Variants in SULT1A2 observed in about 807,000 individuals in gnomAD.
SULT1A2 encodes sulfotransferase family 1A member 2, also known as sulfotransferase 1A2.
In SULT1A2, 33 loss-of-function variants were observed where a neutral mutation model predicts 36.0. The observed-to-expected ratio is 0.92, with a 90% confidence interval of 0.69 to 1.22. The LOEUF (loss-of-function observed/expected upper bound fraction) is 1.22. Ranked by LOEUF, SULT1A2 falls within the 50% of genes most tolerant of loss-of-function variation. The probability of loss-of-function intolerance (pLI) is 0.00; values close to 1 mark genes in which losing one functional copy is unlikely to be tolerated. For missense variants in SULT1A2, 367 were observed against 383.2 expected, an observed-to-expected ratio of 0.96 and a Z score of 0.35; for synonymous variants, 138 against 144.5, an observed-to-expected ratio of 0.96 and a Z score of 0.32.
chr16:28,592,570 C>G, intron 6 of SULT1A2, 127 bp from the exon 7 acceptor site: 1 of 1,540,002 alleles, frequency 6.5e-7, no homozygotes, highest in Non-Finnish European at 8.8e-7. Context: ...GCCAGCTCCT[C>G]GACCCCTGGG....
In SULT1A2 at chr16:28,595,802, G is replaced by A. The variant is rs369821109; in HGVS notation, c.129C>T (p.Ile43=). 1.9e-6 allele frequency: 3 copies of A among 1,612,588 alleles called. No individual in the cohort carries two copies. Among genetic ancestry groups the A allele is most frequent in the African/African-American group, 2.7e-5 (2 of 74,884 alleles). Residue 43 remains isoleucine (I), a synonymous_variant, in exon 2 of 8, where the codon ATC becomes ATT. Transcript: ENST00000335715. ...SFQARPDDLL[I]STYPKSGTTW... Reference sequence around the variant, plus strand: ...ACCTACCGGACTTGGGGTAGGTGCTGATGAGCAGGTCATCAGGCCGGGCCT... The same window carrying A: ...ACCTACCGGACTTGGGGTAGGTGCTAATGAGCAGGTCATCAGGCCGGGCCT...
rs1321472148 is a variant in SULT1A2 at position 28,593,441 on chromosome 16, C to T, written c.499+1G>A. 1.2e-6 allele frequency: 2 copies of T among 1,614,174 alleles called. No homozygotes were observed. On this transcript the variant is annotated splice_donor_variant, in intron 5 of 7. Transcript: ENST00000335715. LOFTEE classifies it high-confidence loss of function. ...ACCTTCCTTCCTCCCATCAAGCCCA[C>T]CTTCTCCAGCCATGAACTTCTCCAG...
At chr16:28,594,320 T>G (rs2047033947) in intron 4 of SULT1A2, among the ~76,000 whole-genome samples, 1 of 152,058 alleles carries the variant, frequency 6.6e-6, no homozygotes, top group African/African-American at 2.4e-5. Context: ...ATTTGCATCT[T>G]TTATAGAGAT....
chr16:28,592,560 GC>G, intron 6 of SULT1A2, 117 bp from the exon 7 acceptor site: 2 of 1,560,474 alleles, frequency 1.3e-6, no homozygotes, highest in Non-Finnish European at 8.7e-7. Flanking sequence ...AACCCATAGA[GC>G]CAGCTCCTCG....
At chr16:28,596,683 T>G (rs2151668714) in intron 1 of SULT1A2, 1 of 207,266 alleles carries the variant, frequency 4.8e-6, no homozygotes, top group African/African-American at 2.4e-5. Flanking sequence ...TTTAAAAATA[T>G]TTTTTAAAAC....
Position 28,595,548 on chromosome 16 carries a change from A to G in SULT1A2, c.274+2T>C. On this transcript the variant is annotated splice_donor_variant, in intron 3 of 7. Transcript: ENST00000335715. LOFTEE classifies it high-confidence loss of function. ...CTCCCCTTGCACCCAGGACACACACACCTGAGGGAATCCCTGGGACTTTGA... is the reference window on the plus strand; with the variant it reads ...CTCCCCTTGCACCCAGGACACACACGCCTGAGGGAATCCCTGGGACTTTGA... The G allele has an allele frequency of 6.2e-7, 1 of 1,614,130 alleles. No homozygotes were observed. The highest frequency in any genetic ancestry group is 8.5e-7 in the Non-Finnish European group (1 of 1,180,022).
Position 28,593,569 on chromosome 16 carries a change from C to G in SULT1A2, c.373-1G>C, listed in dbSNP as rs768212845. 1.2e-6 allele frequency: 2 copies of G among 1,614,090 alleles called. No homozygotes were observed. Among genetic ancestry groups the G allele is most frequent in the Admixed American group, 3.3e-5 (2 of 60,006 alleles). On this transcript the variant is annotated splice_acceptor_variant, in intron 4 of 7. Coordinates refer to ENST00000335715, the MANE Select transcript of SULT1A2 (RefSeq NM_001054.4). LOFTEE classifies it high-confidence loss of function. ...TTGCGTTGCGGGCAACATAGACCACCTGCAGGGGCAGAAGACTCAACCCCA... is the reference window on the plus strand; with the variant it reads ...TTGCGTTGCGGGCAACATAGACCACGTGCAGGGGCAGAAGACTCAACCCCA...
intron 4 of SULT1A2, among the ~76,000 whole-genome samples, chr16:28,594,770 CTTTTTTTTTT>C (rs1033591115): frequency 0.033 from 1,780 of 53,850 alleles, 66 homozygotes; most frequent in African/African-American, 0.12. Context: ...CCACCTGCCG[CTTTTTTTTTT>C]TTTTTTTTTT....
intron 4 of SULT1A2, among the ~76,000 whole-genome samples, chr16:28,594,927 C>G (rs1054622123): frequency 1.3e-5 from 2 of 151,360 alleles, no homozygotes; most frequent in Admixed American, 6.6e-5. Flanking sequence ...ATTACAGATG[C>G]CTGCCACCAT....
At chr16:28,596,014 A>G (rs1392165442) in intron 1 of SULT1A2, 80 bp from the exon 2 acceptor site, 3 of 1,583,442 alleles carry the variant, frequency 1.9e-6, no homozygotes, top group Non-Finnish European at 2.6e-6. Flanking sequence ...CTTTCAGGGA[A>G]GTCACTGAGG....
At chr16:28,592,942 G>A (rs149295067) in intron 6 of SULT1A2, among the ~76,000 whole-genome samples, 9 of 152,218 alleles carry the variant, frequency 5.9e-5, no homozygotes, top group Middle Eastern at 6.8e-3. Context: ...AACCTGGGAG[G>A]GGGGGTTACA....
At chr16:28,594,407 G>A (rs1365382012) in intron 4 of SULT1A2, among the ~76,000 whole-genome samples, 1 of 152,312 alleles carries the variant, frequency 6.6e-6, no homozygotes, top group South Asian at 2.1e-4. Context: ...CTCCCAAAAT[G>A]CTGGCATTAC....
Position 28,595,840 on chromosome 16 carries a change from G to A in SULT1A2, c.91C>T (p.Leu31=). The A allele has an allele frequency of 6.2e-7, 1 of 1,611,840 alleles. No individual in the cohort carries two copies. The highest frequency in any genetic ancestry group is 2.2e-5 in the East Asian group (1 of 44,860). The change falls in exon 2 of 8, where the codon CTG becomes TTG. Residue 31 remains leucine, a synonymous_variant. Transcript: ENST00000335715. ...TCAGGCCGGGCCTGGAAGCTCTGCA[G>A]GGGCCCCAGTGCCTCTGCAAAGTAC... ...IKYFAEALGP[L]QSFQARPDDL...
intron 6 of SULT1A2, among the ~76,000 whole-genome samples, chr16:28,592,942 G>T (rs149295067): frequency 3.3e-5 from 5 of 152,100 alleles, no homozygotes; most frequent in African/African-American, 7.2e-5. Flanking sequence ...AACCTGGGAG[G>T]GGGGGTTACA....
At chr16:28,593,771 A>G (rs2047026713) in intron 4 of SULT1A2, among the ~76,000 whole-genome samples, 1 of 152,114 alleles carries the variant, frequency 6.6e-6, no homozygotes, top group South Asian at 2.1e-4. Flanking sequence ...ATCATATTCT[A>G]TAGTAATATA....
At chr16:28,596,852 G>T in intron 1 of SULT1A2, 145 bp downstream of exon 1, 1 of 465,754 alleles carries the variant, frequency 2.1e-6, no homozygotes, top group African/African-American at 2.1e-5. Context: ...AAGGAAGGGA[G>T]GGGGATTCAG....
rs55845129 is a variant in SULT1A2 at position 28,592,264 on chromosome 16, T to A, written c.774A>T (p.Lys258Asn). 1.0e-4 allele frequency: 169 copies of A among 1,613,902 alleles called. 2 individuals are homozygous for A. In the East Asian group the frequency reaches 3.5e-3, roughly 33 times the overall value. ...ACCCCCGTGCTGGCCGGCACCTACC[T>A]TTCCTCATGAAGGGGGAGATGCTGT... The part of the protein sequence containing the change: ...MDHSISPFMR[K>N]GMAGDWKTTF... The change falls in exon 7 of 8, where the codon AAA becomes AAT. Residue 258 changes from lysine (K) to asparagine (N), a missense_variant and splice_region_variant. Physicochemically the swap from Lys to Asn is moderately conservative, Grantham distance 94. Coordinates refer to ENST00000335715, the MANE Select transcript of SULT1A2 (RefSeq NM_001054.4).
intron 4 of SULT1A2, among the ~76,000 whole-genome samples, chr16:28,594,770 CTTTTTTTTT>C (rs1033591115): frequency 9.8e-4 from 53 of 53,844 alleles, no homozygotes; most frequent in African/African-American, 3.4e-3. Flanking sequence ...CCACCTGCCG[CTTTTTTTTT>C]TTTTTTTTTT....
At position 28,592,281 on chromosome 16, in the gene SULT1A2, A is replaced by T. The variant is rs912011492; in HGVS notation, c.757T>A (p.Ser253Thr). 7 of 1,613,738 alleles carry T rather than the reference A, an allele frequency of 4.3e-6. No individual in the cohort carries two copies. The African/African-American group carries it at 9.3e-5, about 22-fold the overall frequency. ...CACCTACCTTTCCTCATGAAGGGGG[A>T]GATGCTGTGGTCCATGAACTCCCGG... is the stretch of plus-strand genomic sequence containing the variant. ...VRREFMDHSI[S>T]PFMRKGMAGD... is the part of the protein sequence containing the mutation. Residue 253 changes from serine to threonine, a missense_variant, in exon 7 of 8, where the codon TCC (serine) becomes ACC (threonine). By Grantham distance (58) the Ser-to-Thr change is moderately conservative. Transcript: ENST00000335715.
Sources: allele counts gnomAD v4.1 joint callset (sites outside exome capture counted in the v4.1 genomes callset), GRCh38; gene constraint gnomAD v4.1.1; transcripts MANE v1.5; gene names NCBI Gene and HGNC (gene_info 2026-07-23, HGNC 2026-07-21).